Variants in LRRFIP1 observed in about 807,000 individuals in gnomAD.
LRRFIP1 encodes the protein leucine-rich repeat flightless-interacting protein 1.
A neutral mutation model predicts 104.4 loss-of-function variants in LRRFIP1; 62 were observed. The ratio of observed to expected loss-of-function variants is 0.59; its 90% CI spans 0.48 to 0.73. The LOEUF (loss-of-function observed/expected upper bound fraction) is 0.73. LRRFIP1 is among the 30% of genes least tolerant of loss of function. The pLI, the probability that LRRFIP1 is intolerant of heterozygous loss-of-function variation, is 0.00. For synonymous variants in LRRFIP1, 300 were observed against 299.0 expected (o/e 1.00, Z -0.03); for missense variants, 796 against 824.5 (o/e 0.97, Z 0.42).
intron 15 of LRRFIP1, among the ~76,000 whole-genome samples, chr2:237,755,548 C>T (rs934474570): frequency 6.6e-6 from 1 of 152,232 alleles, no homozygotes; most frequent in African/African-American, 2.4e-5. Flanking sequence ...ATCAGAAAAT[C>T]CTTGTTGATT....
At chr2:237,702,633 T>C (rs1473767761) in intron 1 of LRRFIP1, among the ~76,000 whole-genome samples, 2 of 152,198 alleles carry the variant, frequency 1.3e-5, no homozygotes, top group East Asian at 1.9e-4. Flanking sequence ...AGTTTTGGTT[T>C]TGGGGCTCTT....
intron 10 of LRRFIP1, among the ~76,000 whole-genome samples, chr2:237,738,825 G>A (rs12624154): frequency 6.6e-6 from 1 of 152,048 alleles, no homozygotes; most frequent in Non-Finnish European, 1.5e-5. Flanking sequence ...CAAAATTTTT[G>A]TTCCCTTGCT....
intron 17 of LRRFIP1, 54 bp downstream of exon 17, chr2:237,757,602 TAG>T (rs1368104375): frequency 6.6e-6 from 9 of 1,370,544 alleles, no homozygotes; most frequent in South Asian, 2.5e-5. Flanking sequence ...GCTTAGCAAA[TAG>T]AGTTTTTTCA....
At chr2:237,702,103 G>A (rs893765005) in intron 1 of LRRFIP1, among the ~76,000 whole-genome samples, 1 of 152,166 alleles carries the variant, frequency 6.6e-6, no homozygotes, top group Non-Finnish European at 1.5e-5. Flanking sequence ...TGTCTTTTTA[G>A]CCATTTGTTT....
At chr2:237,677,722 C>T (rs946769300) in intron 1 of LRRFIP1, among the ~76,000 whole-genome samples, 25 of 152,254 alleles carry the variant, frequency 1.6e-4, no homozygotes, top group Admixed American at 4.6e-4. Flanking sequence ...CTGATATTAT[C>T]GAGCCACCAT....
chr2:237,650,386 A>G (rs2085728556), intron 1 of LRRFIP1, among the ~76,000 whole-genome samples: 1 of 151,936 alleles, frequency 6.6e-6, no homozygotes, highest in Non-Finnish European at 1.5e-5. Flanking sequence ...GGCAGCAGTA[A>G]GACTTGGATT....
At chr2:237,762,258 T>C (rs1018000801) in intron 19 of LRRFIP1, among the ~76,000 whole-genome samples, 1 of 152,230 alleles carries the variant, frequency 6.6e-6, no homozygotes, top group Non-Finnish European at 1.5e-5. Context: ...GAACCTTCAG[T>C]CTGTTCCTAA....
intron 1 of LRRFIP1, among the ~76,000 whole-genome samples, chr2:237,700,680 G>T (rs947554080): frequency 1.3e-5 from 2 of 152,226 alleles, no homozygotes; most frequent in African/African-American, 2.4e-5. Context: ...TCATGGTCCA[G>T]TCCTCTGTCC....
chr2:237,721,926 T>C (rs1265324200), intron 6 of LRRFIP1: 1 of 152,262 alleles, frequency 6.6e-6, no homozygotes, highest in African/African-American at 2.4e-5. Flanking sequence ...AACCGTTACC[T>C]CGGGACCGTC....
At chr2:237,732,762 AT>A (rs1274740672) in intron 8 of LRRFIP1, among the ~76,000 whole-genome samples, 2 of 151,988 alleles carry the variant, frequency 1.3e-5, no homozygotes, top group Non-Finnish European at 2.9e-5. Flanking sequence ...TTTTAAAAAT[AT>A]TTTTTCTCTT....
At chr2:237,720,567 A>T (rs547642427) in intron 5 of LRRFIP1, among the ~76,000 whole-genome samples, 9 of 152,138 alleles carry the variant, frequency 5.9e-5, no homozygotes, top group Non-Finnish European at 8.8e-5. Flanking sequence ...CTTTAAATCC[A>T]TATTGCCCAT....
intron 1 of LRRFIP1, among the ~76,000 whole-genome samples, chr2:237,695,587 C>G (rs568547268): frequency 1.3e-5 from 2 of 152,256 alleles, no homozygotes; most frequent in East Asian, 3.9e-4. Context: ...AATATCTGCT[C>G]GTATTTAAAG....
At chr2:237,723,003 A>T (rs971024499) in intron 6 of LRRFIP1, among the ~76,000 whole-genome samples, 1 of 152,162 alleles carries the variant, frequency 6.6e-6, no homozygotes, top group African/African-American at 2.4e-5. Flanking sequence ...TTTGATTGTA[A>T]GATCGTATCT....
chr2:237,681,255 C>G (rs1413309180), intron 1 of LRRFIP1, among the ~76,000 whole-genome samples: 1 of 152,222 alleles, frequency 6.6e-6, no homozygotes, highest in Non-Finnish European at 1.5e-5. Flanking sequence ...CAAGGGTGTT[C>G]AAAAAGCAAT....
intron 1 of LRRFIP1, among the ~76,000 whole-genome samples, chr2:237,685,101 C>T (rs1173839491): frequency 1.8e-5 from 1 of 55,706 alleles, no homozygotes; most frequent in Non-Finnish European, 3.7e-5. Context: ...ACCTTGTCTC[C>T]CTACCCTCCC....
chr2:237,692,121 G>C, intron 1 of LRRFIP1: 1 of 909,206 alleles, frequency 1.1e-6, no homozygotes, highest in Non-Finnish European at 1.3e-6. Context: ...GGCGTAGCCG[G>C]GAGGGCCCCT....
At chr2:237,752,443 A>G (rs1411947423) in intron 14 of LRRFIP1, among the ~76,000 whole-genome samples, 2 of 152,222 alleles carry the variant, frequency 1.3e-5, no homozygotes, top group Admixed American at 6.5e-5. Context: ...CACTGAACCA[A>G]CCGGAGACCC....
chr2:237,697,832 G>A (rs192538807), intron 1 of LRRFIP1, among the ~76,000 whole-genome samples: 33 of 148,328 alleles, frequency 2.2e-4, no homozygotes, highest in Non-Finnish European at 3.3e-4. Context: ...TCTCAGTCCC[G>A]CACGTCTCTG....
chr2:237,674,953 C>T (rs577632780), intron 1 of LRRFIP1, among the ~76,000 whole-genome samples: 1 of 152,382 alleles, frequency 6.6e-6, no homozygotes, highest in South Asian at 2.1e-4. Flanking sequence ...CTATCGGGCC[C>T]TGCCCCCAGA....
Sources: allele counts gnomAD v4.1 joint callset (sites outside exome capture counted in the v4.1 genomes callset), GRCh38; gene constraint gnomAD v4.1.1; transcripts MANE v1.5; gene names NCBI Gene and HGNC (gene_info 2026-07-23, HGNC 2026-07-21).